ERBB4: variants seen among roughly 807,000 people sequenced by gnomAD.
The protein encoded by ERBB4 is receptor tyrosine-protein kinase erbB-4.
A neutral mutation model predicts 158.0 loss-of-function variants in ERBB4; 42 were observed. That is an observed-to-expected ratio of 0.27 (90% CI 0.21 to 0.34). ERBB4 has a LOEUF of 0.34. Ranked by LOEUF, ERBB4 falls within the 10% of genes least tolerant of loss-of-function variation. The probability of loss-of-function intolerance (pLI) is 1.00; values close to 1 mark genes in which losing one functional copy is unlikely to be tolerated. For missense variants in ERBB4, 1,333 were observed against 1,624.1 expected (o/e 0.82, Z 3.08); for synonymous variants, 583 against 558.7 (o/e 1.04, Z -0.61).
In ERBB4 at chr2:212,485,599, T is replaced by TA. The variant is rs1322642613; in HGVS notation, c.82+52849dup. 1.1e-4 allele frequency among the ~76,000 whole-genome samples: 17 copies of TA among 152,328 alleles called. No individual in the cohort carries two copies. The East Asian group carries it at 3.3e-3, about 29-fold the overall frequency. Reference sequence around the variant, plus strand: ...TATGTCAGTAATAACATGGTGCTGTTAAAAAATTTATTATAAAAACTACAA... The same window carrying TA: ...TATGTCAGTAATAACATGGTGCTGTTAAAAAAATTTATTATAAAAACTACAA... On this transcript the variant is annotated intron_variant, in intron 1 of 27. Coordinates refer to ENST00000342788, the MANE Select transcript of ERBB4 (RefSeq NM_005235.3).
At chr2:212,003,148 G>GAAAGAAAGAAAGAAAGAAA (rs2076153302) in intron 2 of ERBB4, among the ~76,000 whole-genome samples, 3 of 15,194 alleles carry the variant, frequency 2.0e-4, no homozygotes, top group African/African-American at 4.5e-4. Context: ...AAGGAAGGAA[G>GAAAGAAAGAAAGAAAGAAA]GAAAGAAAGA....
At chr2:212,170,085 T>C (rs2081469884) in intron 1 of ERBB4, among the ~76,000 whole-genome samples, 2 of 152,110 alleles carry the variant, frequency 1.3e-5, no homozygotes, top group Non-Finnish European at 2.9e-5. Context: ...TGGAACAATT[T>C]GGAGGGCCCA....
intron 1 of ERBB4, among the ~76,000 whole-genome samples, chr2:212,512,732 C>G (rs540360943): frequency 7.2e-5 from 11 of 152,066 alleles, no homozygotes; most frequent in African/African-American, 2.7e-4. Context: ...TTGATTATAA[C>G]ACACATAAAT....
At chr2:211,775,255 G>C (rs1318474075) in intron 4 of ERBB4, among the ~76,000 whole-genome samples, 3 of 152,284 alleles carry the variant, frequency 2.0e-5, no homozygotes, top group East Asian at 1.9e-4. Context: ...TGGTCTTTCA[G>C]CTGTTCTTGA....
At chr2:212,119,330 T>A (rs76652480) in intron 2 of ERBB4, among the ~76,000 whole-genome samples, 1,848 of 152,266 alleles carry the variant, frequency 0.012, 31 homozygotes, top group African/African-American at 0.041. Flanking sequence ...AAAGTTAATA[T>A]ATAAAACAGA....
chr2:212,461,323 A>G (rs367723325), intron 1 of ERBB4, among the ~76,000 whole-genome samples: 7 of 152,284 alleles, frequency 4.6e-5, no homozygotes, highest in African/African-American at 1.7e-4. Context: ...ACATGGACAG[A>G]GCTGCCCAAG....
chr2:211,675,569 A>G (rs544537236), intron 13 of ERBB4, among the ~76,000 whole-genome samples: 2 of 151,812 alleles, frequency 1.3e-5, no homozygotes, highest in African/African-American at 4.8e-5. Context: ...CTAAAGTTCC[A>G]TTGCAGTTAC....
At chr2:211,744,535 G>A (rs1190528600) in intron 5 of ERBB4, among the ~76,000 whole-genome samples, 1 of 152,148 alleles carries the variant, frequency 6.6e-6, no homozygotes, top group African/African-American at 2.4e-5. Context: ...CGGCTTCTTT[G>A]TTTCTCTGTA....
chr2:211,955,476 T>C (rs1162436732), intron 2 of ERBB4, among the ~76,000 whole-genome samples: 16 of 152,138 alleles, frequency 1.1e-4, no homozygotes, highest in Admixed American at 1.1e-3. Context: ...ATCAAGACTG[T>C]ATTCCTGTAT....
At chr2:212,487,509 GAGA>G (rs1338581467) in intron 1 of ERBB4, among the ~76,000 whole-genome samples, 1 of 151,000 alleles carries the variant, frequency 6.6e-6, no homozygotes, top group African/African-American at 2.4e-5. Context: ...AAACACCATA[GAGA>G]AGAAGAAATT....
intron 3 of ERBB4, among the ~76,000 whole-genome samples, chr2:211,859,272 C>T (rs2077953542): frequency 6.6e-6 from 1 of 152,144 alleles, no homozygotes; most frequent in African/African-American, 2.4e-5. Context: ...AAATCTCTTT[C>T]TCTAGAAAAA....
intron 3 of ERBB4, among the ~76,000 whole-genome samples, chr2:211,806,524 G>A (rs1487034786): frequency 1.3e-5 from 2 of 152,188 alleles, no homozygotes; most frequent in South Asian, 2.1e-4. Context: ...GCAAGATAGT[G>A]AAAAATAGGT....
At chr2:211,465,570 A>G (rs2064659753) in intron 20 of ERBB4, among the ~76,000 whole-genome samples, 1 of 152,146 alleles carries the variant, frequency 6.6e-6, no homozygotes, top group Non-Finnish European at 1.5e-5. Context: ...TTACTTTTGA[A>G]GCCTAAATGA....
intron 1 of ERBB4, among the ~76,000 whole-genome samples, chr2:212,185,990 G>T (rs1298112502): frequency 6.6e-6 from 1 of 152,080 alleles, no homozygotes; most frequent in East Asian, 1.9e-4. Flanking sequence ...AAAGTAATTT[G>T]TATTTGATCA....
chr2:212,497,486 T>G (rs565937453), intron 1 of ERBB4, among the ~76,000 whole-genome samples: 1 of 152,194 alleles, frequency 6.6e-6, no homozygotes, highest in African/African-American at 2.4e-5. Context: ...TGCAGTGATA[T>G]AGGCAATGTG....
At chr2:211,492,901 C>T (rs1311955615) in intron 20 of ERBB4, among the ~76,000 whole-genome samples, 6 of 152,068 alleles carry the variant, frequency 3.9e-5, no homozygotes, top group East Asian at 3.9e-4. Flanking sequence ...TCACTAAGTT[C>T]GACTTTCCAA....
At chr2:211,874,514 T>C (rs2078442469) in intron 3 of ERBB4, among the ~76,000 whole-genome samples, 1 of 152,300 alleles carries the variant, frequency 6.6e-6, no homozygotes, top group East Asian at 1.9e-4. Flanking sequence ...GAAGGTAATA[T>C]CTCCTTTGAT....
At chr2:212,502,071 G>T (rs1368890239) in intron 1 of ERBB4, among the ~76,000 whole-genome samples, 2 of 151,926 alleles carry the variant, frequency 1.3e-5, no homozygotes, top group Admixed American at 1.3e-4. Context: ...ATGAAAAGTT[G>T]TGCTTTCCCT....
chr2:212,346,321 A>T (rs558948750), intron 1 of ERBB4, among the ~76,000 whole-genome samples: 6 of 152,172 alleles, frequency 3.9e-5, no homozygotes, highest in African/African-American at 1.4e-4. Context: ...CCCCCCAAGA[A>T]AAGCCACAAA....
Sources: gnomAD v4.1 joint callset for allele counts (sites outside exome capture counted in the v4.1 genomes callset) on GRCh38, gnomAD v4.1.1 for gene constraint, MANE v1.5 for transcripts, NCBI Gene and HGNC (gene_info 2026-07-23, HGNC 2026-07-21) for gene names.